Variants in PPP2R2D observed in about 807,000 individuals in gnomAD.
PPP2R2D encodes the protein serine/threonine-protein phosphatase 2A 55 kDa regulatory subunit B delta isoform.
A neutral mutation model predicts 31.1 loss-of-function variants in PPP2R2D; 9 were observed. That is an observed-to-expected ratio of 0.29 (90% CI 0.17 to 0.51). The LOEUF (loss-of-function observed/expected upper bound fraction) is 0.51, where lower values mean the gene tolerates loss of function less well. Among genes scored for constraint, PPP2R2D ranks in the 20% least tolerant of loss-of-function variants. The pLI, the probability that PPP2R2D is intolerant of heterozygous loss-of-function variation, is 0.98. For synonymous variants in PPP2R2D, 179 were observed against 172.6 expected, an observed-to-expected ratio of 1.04 and a Z score of -0.29; for missense variants, 391 against 465.6, an observed-to-expected ratio of 0.84 and a Z score of 1.48.
At chr10:131,953,160 T>TAGC (rs2036715005) in intron 8 of PPP2R2D, among the ~76,000 whole-genome samples, 1 of 114,482 alleles carries the variant, frequency 8.7e-6, no homozygotes, top group Non-Finnish European at 1.7e-5. Context: ...TTCACTGTCT[T>TAGC]AGTGACTTGC....
chr10:131,940,772 T>A (rs2036427317), intron 5 of PPP2R2D, 78 bp downstream of exon 5: 1 of 693,076 alleles, frequency 1.4e-6, no homozygotes, highest in Non-Finnish European at 2.7e-6. Context: ...TGGAGAGTGC[T>A]GCGCGGTGGA....
At chr10:131,937,339 T>C (rs1589949405) in intron 3 of PPP2R2D, among the ~76,000 whole-genome samples, 2 of 152,200 alleles carry the variant, frequency 1.3e-5, no homozygotes, top group Admixed American at 1.3e-4. Context: ...GGTGTGGCTG[T>C]GCGGCCCACT....
intron 2 of PPP2R2D, among the ~76,000 whole-genome samples, chr10:131,904,566 A>G (rs1165562984): frequency 6.6e-6 from 1 of 151,620 alleles, no homozygotes; most frequent in Non-Finnish European, 1.5e-5. Context: ...ACTGCTGCTC[A>G]GGCTGTAGAA....
the PPP2R2D span, among the ~76,000 whole-genome samples, chr10:131,966,211 C>G: frequency 6.6e-6 from 1 of 152,148 alleles, no homozygotes; most frequent in East Asian, 1.9e-4. Context: ...ACACCCTAAG[C>G]AGATGTGTAT....
In PPP2R2D at chr10:131,911,626, G is replaced by C. The variant is rs949560890; in HGVS notation, c.100+10296G>C. ...TGCTGAGCCGCCAGCAGCTCCACCT[G>C]CCCTTGGCTTTGCTCATCCGTGGAA... is the stretch of plus-strand genomic sequence containing the variant. On this transcript the variant is annotated intron_variant, in intron 2 of 8. Transcript: ENST00000455566. The C allele has an allele frequency of 2.6e-5, 4 of 152,392 alleles. No individual in the cohort carries two copies. The East Asian group carries it at 5.8e-4, about 22-fold the overall frequency. 9.4% of individuals were successfully genotyped at this position (152,392 alleles called of 1,614,324 possible).
In PPP2R2D at chr10:131,904,817, G is replaced by A. The variant is rs1027297194; in HGVS notation, c.100+3487G>A. Among the ~76,000 whole-genome samples the A allele has an allele frequency of 5.9e-5, 9 of 152,316 alleles. 1 individual carries two copies. The East Asian group carries it at 1.7e-3, about 29-fold the overall frequency. On this transcript the variant is annotated intron_variant, in intron 2 of 8. Coordinates refer to ENST00000455566, the MANE Select transcript of PPP2R2D (RefSeq NM_018461.5). ...CACAGGAAGTGGTGCAGGGCTAGGA[G>A]TAGGCACTCCTGACTTTGGAGGTCA...
rs1216521146 is a variant in PPP2R2D, at chr10:131,959,096, C to G, written c.*3133C>G. The G allele has an allele frequency of 2.3e-5, 2 of 86,582 alleles. No homozygotes were observed. The highest frequency in any genetic ancestry group is 2.4e-4 in the Admixed American group (2 of 8,172). 5.4% of individuals were successfully genotyped at this position (86,582 alleles called of 1,614,324 possible). ...ATGAAGGCGTGTGCTGATCCGCCAT[C>G]CCACTGTGGAGATGAAGGTGTGTGC... On this transcript the variant is annotated 3_prime_UTR_variant, in exon 9 of 9. Transcript: ENST00000455566.
At position 131,955,795 on chromosome 10, in the gene PPP2R2D, C is replaced by T. The variant is rs370756365; in HGVS notation, c.1194C>T (p.Leu398=). Residue 398 remains leucine, a synonymous_variant, in exon 9 of 9, where the codon CTC becomes CTT. Transcript: ENST00000455566. ...AGAGCAGCAAACCGCGCGCCAGCCT[C>T]AAACCCCGGAAGGTGTGTACGGGGG... is the stretch of plus-strand genomic sequence containing the variant. ...SRESSKPRAS[L]KPRKVCTGGK... 12 of 1,600,652 alleles carry T rather than the reference C, an allele frequency of 7.5e-6. No homozygotes were observed. The highest frequency in any genetic ancestry group is 1.0e-5 in the Non-Finnish European group (12 of 1,172,030).
chr10:131,931,314 C>G (rs906159378), intron 2 of PPP2R2D, among the ~76,000 whole-genome samples: 2 of 152,210 alleles, frequency 1.3e-5, no homozygotes, highest in Admixed American at 1.3e-4. Flanking sequence ...GCTTTCCCGT[C>G]TCTCTTTGTT....
chr10:131,915,043 T>C (rs1554892885), intron 2 of PPP2R2D, among the ~76,000 whole-genome samples: 1 of 152,126 alleles, frequency 6.6e-6, no homozygotes, highest in Non-Finnish European at 1.5e-5. Context: ...TCTGGAATTT[T>C]AATGGTTTTA....
intron 7 of PPP2R2D, among the ~76,000 whole-genome samples, chr10:131,946,331 G>A (rs1268497620): frequency 6.6e-6 from 1 of 152,124 alleles, no homozygotes; most frequent in African/African-American, 2.4e-5. Context: ...CTGAAACATT[G>A]CTGACCCTTC....
Position 131,954,646 on chromosome 10 carries a change from T to TC in PPP2R2D, c.1083-1034dup, listed in dbSNP as rs1165591657. Among the ~76,000 whole-genome samples, 106 of 147,274 alleles carry TC rather than the reference T, an allele frequency of 7.2e-4. 1 individual carries two copies. The highest frequency in any genetic ancestry group is 6.8e-3 in the Middle Eastern group (2 of 292). On this transcript the variant is annotated intron_variant, in intron 8 of 8. Coordinates refer to ENST00000455566, the MANE Select transcript of PPP2R2D (RefSeq NM_018461.5). ...TGAGTTCGTCTTTTTTTTTTTTTTT[T>TC]CCCCTGCTTTGAAGTTTTAGACAAG...
intron 3 of PPP2R2D, 103 bp from the exon 4 acceptor site, chr10:131,939,928 C>T: frequency 1.5e-5 from 6 of 393,416 alleles, no homozygotes; most frequent in South Asian, 1.1e-4. Flanking sequence ...GATTTTTTAG[C>T]TTTAAAAAAT....
chr10:131,923,777 T>G (rs888704470), intron 2 of PPP2R2D, among the ~76,000 whole-genome samples: 8 of 152,184 alleles, frequency 5.3e-5, no homozygotes, highest in African/African-American at 1.9e-4. Flanking sequence ...TTTTATTTAT[T>G]TTAGAGACAG....
intron 2 of PPP2R2D, among the ~76,000 whole-genome samples, chr10:131,913,127 G>T (rs2035710977): frequency 6.6e-6 from 1 of 151,182 alleles, no homozygotes; most frequent in South Asian, 2.1e-4. Flanking sequence ...GGTTCAAACG[G>T]TTCTCCTGCC....
chr10:131,960,821 A>G (rs1472075805), downstream of PPP2R2D, among the ~76,000 whole-genome samples: 11 of 152,134 alleles, frequency 7.2e-5, no homozygotes, highest in Admixed American at 5.9e-4. Context: ...TGGGGGAGTG[A>G]GGTCAGAGCC....
intron 8 of PPP2R2D, among the ~76,000 whole-genome samples, chr10:131,952,797 G>A (rs1554899130): frequency 8.5e-6 from 1 of 117,210 alleles, no homozygotes; most frequent in African/African-American, 3.7e-5. Context: ...TGTGCAGGGG[G>A]TTCACTTAGC....
At chr10:131,932,448 C>T (rs541050394) in intron 2 of PPP2R2D, among the ~76,000 whole-genome samples, 3 of 152,140 alleles carry the variant, frequency 2.0e-5, no homozygotes, top group Admixed American at 6.5e-5. Flanking sequence ...GGGCTGATGA[C>T]GTGAGGCCAG....
At chr10:131,924,072 A>G (rs932612692) in intron 2 of PPP2R2D, among the ~76,000 whole-genome samples, 2 of 152,192 alleles carry the variant, frequency 1.3e-5, no homozygotes, top group Non-Finnish European at 2.9e-5. Context: ...CAAGTCCCTT[A>G]TCAGATACAT....
Sources: allele counts gnomAD v4.1 joint callset (sites outside exome capture counted in the v4.1 genomes callset), GRCh38; gene constraint gnomAD v4.1.1; transcripts MANE v1.5; gene names NCBI Gene and HGNC (gene_info 2026-07-23, HGNC 2026-07-21).